Variants in JPT1 observed in about 807,000 individuals in gnomAD.
JPT1 encodes the protein Jupiter microtubule associated homolog 1, also known as androgen-regulated protein 2.
Under a neutral mutation model 17.0 loss-of-function variants are expected in JPT1, and 5 were observed. That is an observed-to-expected ratio of 0.29 (90% CI 0.15 to 0.62). JPT1 has a LOEUF of 0.62. JPT1 is among the 20% of genes least tolerant of loss of function. The pLI is 0.85. For synonymous variants in JPT1, 71 were observed against 73.6 expected (o/e 0.96, Z 0.18); for missense variants, 158 against 188.1 (o/e 0.84, Z 0.94).
rs754321503 is a variant in JPT1, at chr17:75,136,107, C to T, written c.460G>A (p.Gly154Ser). Residue 154 changes from glycine to serine, a missense_variant, in exon 5 of 5, where the codon GGT becomes AGT. By Grantham distance (56) the Gly-to-Ser change is moderately conservative. Transcript: ENST00000409753. ...PPGGKSSLVL[G>S] ...AGCGTTCAGGACAGTCAGAGCTAAC[C>T]CAAGACGAGGCTGGACTTGCCGCCA... 1 of 1,614,210 alleles carries T rather than the reference C, an allele frequency of 6.2e-7. No individual in the cohort carries two copies. Among genetic ancestry groups the T allele is most frequent in the Non-Finnish European group, 8.5e-7 (1 of 1,180,036 alleles).
Position 75,154,232 on chromosome 17 carries a change from G to C in JPT1, c.56+110C>G, listed in dbSNP as rs544701371. 111 of 777,206 alleles carry C rather than the reference G, an allele frequency of 1.4e-4. No individual in the cohort carries two copies. In the African/African-American group the frequency reaches 1.8e-3, roughly 13 times the overall value. The allele number at this position is 777,206 out of a possible 1,614,324, so 48.1% of individuals were successfully genotyped here. On this transcript the variant is annotated intron_variant, in intron 1 of 4. Transcript: ENST00000409753. ...AACCCCGCCACCCGCCCCGGCGCGA[G>C]CACAGCGCACGGGGCTCGTTACCCG...
intron 1 of JPT1, 38 bp from the exon 2 acceptor site, chr17:75,148,709 T>C (rs769728545): frequency 1.2e-6 from 2 of 1,607,820 alleles, no homozygotes; most frequent in Admixed American, 3.4e-5. Flanking sequence ...CAGATCATAC[T>C]GAAACATTTC....
intron 4 of JPT1, chr17:75,145,768 T>C (rs2074416431): frequency 6.6e-6 from 1 of 152,218 alleles, no homozygotes; most frequent in African/African-American, 2.4e-5. Flanking sequence ...CTGTGATAAA[T>C]AGCTACATAA....
chr17:75,135,395 C>G lies in JPT1; in HGVS notation c.*707G>C, dbSNP rs1408907757. 1.3e-5 allele frequency: 2 copies of G among 152,404 alleles called. No individual in the cohort carries two copies. The highest frequency in any genetic ancestry group is 2.9e-5 in the Non-Finnish European group (2 of 68,070). 9.4% of individuals were successfully genotyped at this position (152,404 alleles called of 1,614,324 possible). A position where few individuals can be genotyped will look rare whatever the true frequency, so the allele number is the denominator to read the frequency against. On this transcript the variant is annotated 3_prime_UTR_variant, in exon 5 of 5. Transcript: ENST00000409753. ...ATTTAAAACAACACGCCTGTGGGAC[C>G]CCGTTCCTGGAGGAAGACCCGCTTC... is the stretch of plus-strand genomic sequence containing the variant.
At chr17:75,148,716 T>C in intron 1 of JPT1, 45 bp from the exon 2 acceptor site, 1 of 1,605,122 alleles carries the variant, frequency 6.2e-7, no homozygotes. Flanking sequence ...TACTGAAACA[T>C]TTCTTGGCAT....
intron 4 of JPT1, among the ~76,000 whole-genome samples, chr17:75,137,305 GTA>G (rs1373146409): frequency 2.7e-5 from 4 of 146,770 alleles, no homozygotes; most frequent in African/African-American, 5.0e-5. Context: ...GAGCTTAATA[GTA>G]TACATATTTT....
chr17:75,152,618 G>A (rs1479265380), intron 1 of JPT1, among the ~76,000 whole-genome samples: 3 of 152,154 alleles, frequency 2.0e-5, no homozygotes, highest in Non-Finnish European at 4.4e-5. Context: ...TAAGTGTGAG[G>A]ATTCATTTGA....
At chr17:75,143,967 G>A (rs1320709224) in intron 4 of JPT1, among the ~76,000 whole-genome samples, 1 of 152,142 alleles carries the variant, frequency 6.6e-6, no homozygotes, top group Non-Finnish European at 1.5e-5. Flanking sequence ...AGGCTATAGT[G>A]AGCAATGAGA....
chr17:75,146,480 G>GT, intron 4 of JPT1, 186 bp downstream of exon 4: 2 of 520,634 alleles, frequency 3.8e-6, no homozygotes, highest in Non-Finnish European at 6.9e-6. Flanking sequence ...AGGATTCTCT[G>GT]TTTTTTCCCT....
Position 75,146,647 on chromosome 17 carries a change from G to T in JPT1, c.316+19C>A. On this transcript the variant is annotated intron_variant, in intron 4 of 4. Transcript: ENST00000409753. The stretch of plus-strand genomic sequence containing the variant: ...AAACCATGGACAGAGCCAGAAATTT[G>T]GTCTTCAGAAGTACTTACCATGAAT... The T allele has an allele frequency of 6.5e-7, 1 of 1,530,512 alleles. No individual in the cohort carries two copies. The highest frequency in any genetic ancestry group is 8.9e-7 in the Non-Finnish European group (1 of 1,126,520). 94.8% of individuals were successfully genotyped at this position (1,530,512 alleles called of 1,614,324 possible).
chr17:75,154,364 G>A lies in JPT1; in HGVS notation c.34C>T (p.Pro12Ser), dbSNP rs1374807321. ...TTTTTFKGVD[P>S]NSRNSSRVLR... ...CACCGGGAGCTATTCCTGCTGTTGG[G>A]GTCGACTCCCTTGAAGGTGGTGGTT... The change falls in exon 1 of 5, where the codon CCC (proline) becomes TCC (serine). Residue 12 changes from proline to serine, a missense_variant. Transcript: ENST00000409753. The A allele has an allele frequency of 1.3e-6, 2 of 1,549,004 alleles. No individual in the cohort carries two copies. The highest frequency in any genetic ancestry group is 1.7e-4 in the Middle Eastern group (1 of 5,842).
rs570950133 is a variant in JPT1 at position 75,154,487 on chromosome 17, C to T, written c.-90G>A. On this transcript the variant is annotated 5_prime_UTR_variant, in exon 1 of 5. Transcript: ENST00000409753. Reference sequence around the variant, plus strand: ...GCTGGGAAACTCCACACCCAACAGCCGACCACCGCTGCAGGAGCCGCCGCT... The same window carrying T: ...GCTGGGAAACTCCACACCCAACAGCTGACCACCGCTGCAGGAGCCGCCGCT... 55 of 1,259,194 alleles carry T rather than the reference C, an allele frequency of 4.4e-5. No individual in the cohort carries two copies. The African/African-American group carries it at 7.8e-4, about 18-fold the overall frequency. The allele number at this position is 1,259,194 out of a possible 1,614,324, so 78.0% of individuals were successfully genotyped here.
intron 4 of JPT1, among the ~76,000 whole-genome samples, chr17:75,137,794 T>C (rs1342996133): frequency 7.0e-6 from 1 of 142,180 alleles, no homozygotes; most frequent in Non-Finnish European, 1.5e-5. Context: ...ATTACAGGCA[T>C]GCACCACCAT....
chr17:75,146,758 G>T, intron 3 of JPT1, 74 bp from the exon 4 acceptor site: 1 of 899,042 alleles, frequency 1.1e-6, no homozygotes, highest in South Asian at 1.5e-5. Flanking sequence ...ATAGTTCATA[G>T]CAGCTAACAT....
chr17:75,150,859 T>TTTTTTTTTTGTTTTG (rs1568037383), intron 1 of JPT1, among the ~76,000 whole-genome samples: 13 of 140,278 alleles, frequency 9.3e-5, no homozygotes, highest in East Asian at 4.0e-4. Flanking sequence ...TTTTTTTTTT[T>TTTTTTTTTTGTTTTG]TTTTTTTTTT....
intron 4 of JPT1, among the ~76,000 whole-genome samples, chr17:75,142,069 G>GA (rs2074323656): frequency 6.6e-6 from 1 of 151,786 alleles, no homozygotes; most frequent in Non-Finnish European, 1.5e-5. Context: ...GCTCTGTCTC[G>GA]AAAAAACAAA....
intron 4 of JPT1, chr17:75,138,322 A>C (rs897248336): frequency 1.3e-5 from 2 of 152,122 alleles, no homozygotes; most frequent in Non-Finnish European, 2.9e-5. Flanking sequence ...TCAGTTGCAT[A>C]TTCTAAGATA....
At chr17:75,149,194 AAAAAATT>A (rs2074496657) in intron 1 of JPT1, 2 of 452,458 alleles carry the variant, frequency 4.4e-6, no homozygotes, top group Non-Finnish European at 8.2e-6. Flanking sequence ...CTCTATAAAA[AAAAAATT>A]AAAAATTAGC....
chr17:75,142,625 G>GGGGGAGAGA, intron 4 of JPT1: 1 of 108,538 alleles, frequency 9.2e-6, no homozygotes. Context: ...GAGGAGGGGA[G>GGGGGAGAGA]GGAGGGGAGG....
Sources: gnomAD v4.1 joint callset for allele counts (sites outside exome capture counted in the v4.1 genomes callset) on GRCh38, gnomAD v4.1.1 for gene constraint, MANE v1.5 for transcripts, NCBI Gene and HGNC (gene_info 2026-07-23, HGNC 2026-07-21) for gene names.